The following SH3YL1 variants were observed in gnomAD, a reference collection of about 807,000 sequenced individuals.
SH3YL1 encodes the protein SH3 domain-containing YSC84-like protein 1.
In SH3YL1, 41 loss-of-function variants were observed where a neutral mutation model predicts 45.8. The observed-to-expected ratio is 0.89, with a 90% CI of 0.70 to 1.16. The LOEUF (loss-of-function observed/expected upper bound fraction) is 1.16. Ranked by LOEUF, SH3YL1 falls within the 50% of genes most tolerant of loss-of-function variation. The pLI, the probability that SH3YL1 is intolerant of heterozygous loss-of-function variation, is 0.00. For synonymous variants in SH3YL1, 152 were observed against 151.4 expected (o/e 1.00, Z -0.03); for missense variants, 389 against 409.6 (o/e 0.95, Z 0.43).
In SH3YL1 at chr2:233,114, C is replaced by T; in HGVS notation, c.520G>A (p.Glu174Lys). 6.3e-7 allele frequency: 1 copy of T among 1,578,710 alleles called. No homozygotes were observed. The highest frequency in any genetic ancestry group is 8.6e-7 in the Non-Finnish European group (1 of 1,161,202). Residue 174 changes from glutamate (E) to lysine (K), a missense_variant, in exon 6 of 10, where the codon GAA (glutamate) becomes AAA (lysine). Transcript: ENST00000356150. The stretch of plus-strand genomic sequence containing the variant: ...ACTTGAACTGACTTTCTATTAGTTT[C>T]TTTCCTTTCAATCAAACAGCTCCCT... ...LEGSCLIERK[E>K]TNRKFYCQDI...
chr2:221,568 G>A (rs970380625), intron 9 of SH3YL1, among the ~76,000 whole-genome samples: 24 of 152,304 alleles, frequency 1.6e-4, no homozygotes, highest in Non-Finnish European at 2.8e-4. Context: ...GAGGGTAGAG[G>A]AGCAACGTGG....
In SH3YL1 at chr2:218,630, T is replaced by C. The variant is rs1402333890; in HGVS notation, c.*181A>G. 6.7e-5 allele frequency: 38 copies of C among 569,012 alleles called. No individual in the cohort carries two copies. Among genetic ancestry groups the C allele is most frequent in the Non-Finnish European group, 8.0e-5 (26 of 326,320 alleles). 35.2% of individuals were successfully genotyped at this position (569,012 alleles called of 1,614,324 possible). ...TAAGTGTGATAAAGTTAGTACAAAG[T>C]ATTTAAAGATATGTCAGTCAGCTCT... is the stretch of plus-strand genomic sequence containing the variant. On this transcript the variant is annotated 3_prime_UTR_variant, in exon 10 of 10. Coordinates refer to ENST00000356150, the MANE Select transcript of SH3YL1 (RefSeq NM_015677.4).
intron 4 of SH3YL1, 77 bp from the exon 5 acceptor site, chr2:234,349 A>G (rs1290499324): frequency 3.6e-5 from 37 of 1,040,638 alleles, no homozygotes; most frequent in Middle Eastern, 2.1e-4. Flanking sequence ...CTAACACTCA[A>G]CTACACCATA....
At chr2:245,184 A>C (rs6718259) in intron 4 of SH3YL1, among the ~76,000 whole-genome samples, 5,558 of 152,190 alleles carry the variant, frequency 0.037, 359 homozygotes, top group African/African-American at 0.13. Context: ...ATCACTGCAC[A>C]CTCACAATTA....
At chr2:252,569 T>C (rs1669116586) in intron 2 of SH3YL1, among the ~76,000 whole-genome samples, 1 of 152,160 alleles carries the variant, frequency 6.6e-6, no homozygotes. Context: ...AGCAAGGCCT[T>C]ATGATGACTG....
At position 233,008 on chromosome 2, in the gene SH3YL1, GAATA is replaced by G. The variant is rs1343982289; in HGVS notation, c.533+89_533+92del. ...CACTTAAAACCACATGTTGTAAAAA[GAATA>G]TATAAATGTACTCTGCAAATTATAT... On this transcript the variant is annotated intron_variant, in intron 6 of 9. Coordinates refer to ENST00000356150, the MANE Select transcript of SH3YL1 (RefSeq NM_015677.4). 3 of 1,121,494 alleles carry G rather than the reference GAATA, an allele frequency of 2.7e-6. No homozygotes were observed. The African/African-American group carries it at 4.8e-5, about 18-fold the overall frequency. The allele number at this position is 1,121,494 out of a possible 1,614,324, so 69.5% of individuals were successfully genotyped here. A position where few individuals can be genotyped will look rare whatever the true frequency, so the allele number is the denominator to read the frequency against.
chr2:243,703 C>A, intron 4 of SH3YL1: 1 of 918,734 alleles, frequency 1.1e-6, no homozygotes, highest in Non-Finnish European at 1.6e-6. Flanking sequence ...GTTTCTTCCC[C>A]GGAAGAACAT....
chr2:258,333 A>G (rs1425552079), intron 1 of SH3YL1, among the ~76,000 whole-genome samples: 1 of 152,158 alleles, frequency 6.6e-6, no homozygotes, highest in Admixed American at 6.5e-5. Context: ...TTCTTTCAGC[A>G]GTGCTTTGTA....
At chr2:236,048 GGCA>G (rs770147345) in intron 4 of SH3YL1, among the ~76,000 whole-genome samples, 4 of 36,328 alleles carry the variant, frequency 1.1e-4, no homozygotes, top group African/African-American at 2.8e-4. Context: ...GGTCAGGGGA[GGCA>G]GCAGCATGGG....
chr2:260,856 A>G (rs951994863), intron 1 of SH3YL1: 3 of 152,242 alleles, frequency 2.0e-5, no homozygotes, highest in African/African-American at 7.2e-5. Context: ...TTGAGAGTTA[A>G]TCTTGCAAAC....
intron 4 of SH3YL1, chr2:241,788 G>A (rs1668557557): frequency 6.6e-6 from 1 of 151,956 alleles, no homozygotes; most frequent in Non-Finnish European, 1.5e-5. Context: ...CTTATAATCA[G>A]CAAAAGTATA....
chr2:253,068 C>T lies in SH3YL1; in HGVS notation c.49G>A (p.Ala17Thr). The T allele has an allele frequency of 6.4e-7, 1 of 1,550,432 alleles. No homozygotes were observed. Among genetic ancestry groups the T allele is most frequent in the Non-Finnish European group, 8.7e-7 (1 of 1,146,012 alleles). The part of the protein sequence containing the change: ...SNLKSEAKKA[A>T]KILREFTEIT... Reference sequence around the variant, plus strand: ...TCTGTGAATTCTCTTAATATTTTGGCAGCCTTTTTTGCTTCTGATTTCAAA... The same window carrying T: ...TCTGTGAATTCTCTTAATATTTTGGTAGCCTTTTTTGCTTCTGATTTCAAA... The change falls in exon 2 of 10, where the codon GCC (alanine) becomes ACC (threonine). Residue 17 changes from alanine (A) to threonine (T), a missense_variant. By Grantham distance (58) the Ala-to-Thr change is moderately conservative (BLOSUM62 0). Transcript: ENST00000356150.
chr2:242,309 T>G (rs1668578576), intron 4 of SH3YL1: 1 of 152,084 alleles, frequency 6.6e-6, no homozygotes, highest in Non-Finnish European at 1.5e-5. Context: ...TTATATACAT[T>G]ATTAACTATA....
intron 9 of SH3YL1, chr2:222,997 A>T (rs1314306494): frequency 1.3e-5 from 2 of 152,252 alleles, no homozygotes; most frequent in Admixed American, 6.5e-5. Context: ...AGTTTTATTT[A>T]AAAAGTGGAC....
intron 9 of SH3YL1, chr2:223,007 C>A (rs1667639895): frequency 6.6e-6 from 1 of 152,206 alleles, no homozygotes; most frequent in Non-Finnish European, 1.5e-5. Flanking sequence ...AAAAAGTGGA[C>A]TGTAAATCTT....
chr2:227,963 A>G (rs1667858355), intron 8 of SH3YL1, among the ~76,000 whole-genome samples: 1 of 151,878 alleles, frequency 6.6e-6, no homozygotes, highest in Non-Finnish European at 1.5e-5. Flanking sequence ...AGAACTTAAG[A>G]AAAGGTCAGA....
At chr2:226,263 A>T (rs536853017) in intron 8 of SH3YL1, among the ~76,000 whole-genome samples, 1 of 152,214 alleles carries the variant, frequency 6.6e-6, no homozygotes, top group Non-Finnish European at 1.5e-5. Flanking sequence ...GATCAAAAGA[A>T]AAATGGTAAG....
intron 1 of SH3YL1, among the ~76,000 whole-genome samples, chr2:254,777 C>T (rs1669240611): frequency 6.6e-6 from 1 of 152,190 alleles, no homozygotes; most frequent in South Asian, 2.1e-4. Flanking sequence ...ACAGATGGAA[C>T]TCAGACTCAT....
intron 5 of SH3YL1, among the ~76,000 whole-genome samples, chr2:233,479 GA>G (rs767533754): frequency 2.0e-5 from 3 of 152,170 alleles, no homozygotes; most frequent in Non-Finnish European, 2.9e-5. Flanking sequence ...TGTTGAAAAA[GA>G]ATACAGTGCA....
Sources: allele counts gnomAD v4.1 joint callset (sites outside exome capture counted in the v4.1 genomes callset), GRCh38; gene constraint gnomAD v4.1.1; transcripts MANE v1.5; gene names NCBI Gene and HGNC (gene_info 2026-07-23, HGNC 2026-07-21).